PIR: variants seen among roughly 807,000 people sequenced by gnomAD.
The protein encoded by PIR is pirin (iron-binding nuclear protein).
In PIR, 22 loss-of-function variants were observed where a neutral mutation model predicts 24.2. The observed-to-expected ratio is 0.91, with a 90% CI of 0.65 to 1.30. The LOEUF (loss-of-function observed/expected upper bound fraction) is 1.30, where lower values mean the gene tolerates loss of function less well. PIR is among the 50% of genes most tolerant of loss of function. The pLI, the probability that PIR is intolerant of heterozygous loss-of-function variation, is 0.00. For missense variants in PIR, 220 were observed against 220.3 expected (o/e 1.00, Z 0.01); for synonymous variants, 80 against 79.6 (o/e 1.00, Z -0.03).
chrX:15,411,237 T>C (rs1320751958), intron 6 of PIR, among the ~76,000 whole-genome samples: 1 of 112,281 alleles, frequency 8.9e-6, no homozygotes, highest in Non-Finnish European at 1.9e-5. Flanking sequence ...ATTTTCGTTC[T>C]GGCCTCCTAG....
chrX:15,470,592 CTTTCTTTCT>C (rs1302186159), intron 3 of PIR, among the ~76,000 whole-genome samples: 5 of 73,541 alleles, frequency 6.8e-5, no homozygotes, highest in African/African-American at 2.0e-4. Context: ...TTCTTTCTTT[CTTTCTTTCT>C]TTTTTTTTTT....
intron 6 of PIR, among the ~76,000 whole-genome samples, chrX:15,411,799 C>T (rs1189637853): frequency 2.7e-5 from 3 of 111,798 alleles, no homozygotes; most frequent in Admixed American, 9.5e-5. Flanking sequence ...CTCCTCCTTC[C>T]ACCAAATTCT....
intron 2 of PIR, among the ~76,000 whole-genome samples, chrX:15,489,997 T>C (rs1004570261): frequency 9.0e-6 from 1 of 111,620 alleles, no homozygotes; most frequent in Non-Finnish European, 1.9e-5. Context: ...AAGAGATTCA[T>C]TGCACAAAAT....
intron 6 of PIR, among the ~76,000 whole-genome samples, chrX:15,408,471 G>A (rs1403436416): frequency 8.9e-6 from 1 of 111,793 alleles, no homozygotes. Context: ...TTTCTGGAAA[G>A]AGAGTATATA....
Position 15,459,700 on chromosome X carries a change from T to C in PIR, c.230A>G (p.Asp77Gly). 1 of 1,198,793 alleles carries C rather than the reference T, an allele frequency of 8.3e-7. No individual in the cohort carries two copies. The highest frequency in any genetic ancestry group is 1.1e-6 in the Non-Finnish European group (1 of 883,951). ...LLEGGSMAHEDFCGHTGKMNP... is the reference protein window; with the variant it reads ...LLEGGSMAHEGFCGHTGKMNP... ...CATTTTACCAGTGTGTCCACAGAAG[T>C]CTTCATGGGCCATGCTGCCCCCTTC... The change falls in exon 4 of 10, where the codon GAC becomes GGC. Residue 77 changes from aspartate (D) to glycine (G), a missense_variant. Physicochemically the swap from Asp to Gly is moderately conservative, Grantham distance 94 (BLOSUM62 -1). Coordinates refer to ENST00000380420, the MANE Select transcript of PIR (RefSeq NM_001018109.3).
intron 4 of PIR, among the ~76,000 whole-genome samples, chrX:15,459,406 C>T (rs1188359869): frequency 8.9e-6 from 1 of 111,903 alleles, no homozygotes; most frequent in Admixed American, 9.5e-5. Context: ...TTCCTGATTA[C>T]TCTTTTGAGA....
chrX:15,411,682 C>G lies in PIR; in HGVS notation c.566-4132G>C, dbSNP rs187257498. ...CCTCCCATACCCGCAACCTCCCCCC[C>G]GCCACCGGAAGTCCCCACATCAGCT... On this transcript the variant is annotated intron_variant, in intron 6 of 9. Coordinates refer to ENST00000380420, the MANE Select transcript of PIR (RefSeq NM_001018109.3). Among the ~76,000 whole-genome samples the G allele has an allele frequency of 6.0e-3, 665 of 111,037 alleles. 5 individuals are homozygous for G. The highest frequency in any genetic ancestry group is 0.02 in the African/African-American group (621 of 30,542).
At chrX:15,391,819 C>CGCA (rs1186006915) in intron 8 of PIR, among the ~76,000 whole-genome samples, 1 of 111,463 alleles carries the variant, frequency 9.0e-6, no homozygotes, top group Non-Finnish European at 1.9e-5. Context: ...TAAGAACGGC[C>CGCA]GCAGCTCCAT....
chrX:15,479,749 G>C lies in PIR; in HGVS notation c.169C>G (p.Pro57Ala). 1 of 1,164,014 alleles carries C rather than the reference G, an allele frequency of 8.6e-7. No individual in the cohort carries two copies. Among genetic ancestry groups the C allele is most frequent in the Non-Finnish European group, 1.2e-6 (1 of 858,827 alleles). Residue 57 changes from proline (P) to alanine (A), a missense_variant, in exon 3 of 10, where the codon CCA (proline) becomes GCA (alanine). Coordinates refer to ENST00000380420, the MANE Select transcript of PIR (RefSeq NM_001018109.3). ...GGRPGGFPDH[P>A]HRGFETVSYL... Reference sequence around the variant, plus strand: ...CTTACTGTTTCAAAACCTCGATGTGGATGATCAGGAAATCCTCCTGGTCTA... The same window carrying C: ...CTTACTGTTTCAAAACCTCGATGTGCATGATCAGGAAATCCTCCTGGTCTA...
intron 7 of PIR, among the ~76,000 whole-genome samples, chrX:15,406,946 G>A (rs777370569): frequency 8.9e-6 from 1 of 112,318 alleles, no homozygotes; most frequent in Non-Finnish European, 1.9e-5. Flanking sequence ...CCACCAATGC[G>A]TAACCCTGGT....
At chrX:15,456,461 G>A (rs750143407) in intron 4 of PIR, among the ~76,000 whole-genome samples, 10 of 112,517 alleles carry the variant, frequency 8.9e-5, no homozygotes, top group Non-Finnish European at 1.7e-4. Context: ...TACTACAGAG[G>A]CTTTAGCCAA....
At chrX:15,393,528 G>A (rs780971992) in intron 8 of PIR, among the ~76,000 whole-genome samples, 11 of 110,866 alleles carry the variant, frequency 9.9e-5, no homozygotes, top group African/African-American at 3.6e-4. Context: ...ACAGGTGAGT[G>A]GCAGGTGAGG....
intron 6 of PIR, 164 bp from the exon 7 acceptor site, chrX:15,407,714 A>G: frequency 4.5e-6 from 2 of 442,959 alleles, no homozygotes; most frequent in South Asian, 6.9e-5. Flanking sequence ...TAAAATATAC[A>G]CTGACACTCA....
chrX:15,469,095 C>T (rs893141679), intron 3 of PIR, among the ~76,000 whole-genome samples: 4 of 111,416 alleles, frequency 3.6e-5, no homozygotes, highest in African/African-American at 1.3e-4. Flanking sequence ...TTGAAGAGTA[C>T]TGGTGAAGTA....
intron 6 of PIR, among the ~76,000 whole-genome samples, chrX:15,424,996 G>A (rs368431676): frequency 4.7e-5 from 5 of 106,931 alleles, no homozygotes; most frequent in African/African-American, 1.4e-4. Flanking sequence ...GAGACCCCAC[G>A]TCTACAGAAA....
chrX:15,396,419 G>T (rs754847687), intron 8 of PIR, among the ~76,000 whole-genome samples: 20 of 111,898 alleles, frequency 1.8e-4, no homozygotes, highest in African/African-American at 5.2e-4. Flanking sequence ...AAGGCCAGAA[G>T]TCAGTCCGAC....
chrX:15,425,852 T>C, intron 6 of PIR, 54 bp downstream of exon 6: 1 of 747,513 alleles, frequency 1.3e-6, no homozygotes, highest in Non-Finnish European at 2.0e-6. Context: ...TGTTGGTTTT[T>C]TCTTTTCTTT....
chrX:15,461,190 G>A (rs1308002319), intron 3 of PIR, among the ~76,000 whole-genome samples: 1 of 111,858 alleles, frequency 8.9e-6, no homozygotes, highest in Non-Finnish European at 1.9e-5. Flanking sequence ...TGAACCAGCA[G>A]GGTCCCTGTT....
intron 6 of PIR, among the ~76,000 whole-genome samples, chrX:15,408,050 G>A (rs186729727): frequency 3.7e-4 from 41 of 111,478 alleles, no homozygotes; most frequent in African/African-American, 1.2e-3. Context: ...AGATTCAAGC[G>A]ATTCTCCTGC....
Sources: gnomAD v4.1 joint callset for allele counts (sites outside exome capture counted in the v4.1 genomes callset) on GRCh38, gnomAD v4.1.1 for gene constraint, MANE v1.5 for transcripts, NCBI Gene and HGNC (gene_info 2026-07-23, HGNC 2026-07-21) for gene names.